SNX2: variants seen among roughly 807,000 people sequenced by gnomAD.
SNX2 encodes sorting nexin 2.
In SNX2, 25 loss-of-function variants were observed where a neutral mutation model predicts 69.9. The observed-to-expected ratio is 0.36, with a 90% CI of 0.26 to 0.50. The LOEUF (loss-of-function observed/expected upper bound fraction) is 0.50. Among genes scored for constraint, SNX2 ranks in the 20% least tolerant of loss-of-function variants. SNX2 has a pLI of 0.97. For synonymous variants in SNX2, 229 were observed against 200.4 expected, an observed-to-expected ratio of 1.14 and a Z score of -1.20; for missense variants, 551 against 613.3, an observed-to-expected ratio of 0.90 and a Z score of 1.07.
In SNX2 at chr5:122,833,763, G is replaced by A. The variant is rs1310019987; in HGVS notation, c.*4115G>A. The A allele has an allele frequency of 1.3e-5, 2 of 151,086 alleles. No homozygotes were observed. The highest frequency in any genetic ancestry group is 1.3e-4 in the Admixed American group (2 of 15,190). The allele number at this position is 151,086 out of a possible 1,614,324, so 9.4% of individuals were successfully genotyped here. On this transcript the variant is annotated 3_prime_UTR_variant, in exon 15 of 15. Coordinates refer to ENST00000379516, the MANE Select transcript of SNX2 (RefSeq NM_003100.4). ...AAGTTTCATTGTACACATGAAATGA[G>A]TTTACTGTGGAAATGAAAATGCAGA...
rs923853978 is a variant in SNX2, at chr5:122,803,599, A to C, written c.629A>C (p.Glu210Ala). 1.2e-6 allele frequency: 2 copies of C among 1,608,872 alleles called. No individual in the cohort carries two copies. The highest frequency in any genetic ancestry group is 1.7e-6 in the Non-Finnish European group (2 of 1,178,446). The change falls in exon 6 of 15, where the codon GAA (glutamate) becomes GCA (alanine). Residue 210 changes from glutamate to alanine, a missense_variant. Transcript: ENST00000379516. The stretch of plus-strand genomic sequence containing the variant: ...GGTTATATTGTGCCACCAGCTCCAG[A>C]AAAGAGTATAGTAGGTAAGCACAAA... ...HVGYIVPPAP[E>A]KSIVGMTKVK...
intron 7 of SNX2, chr5:122,808,670 A>T (rs987676336): frequency 1.8e-5 from 3 of 171,156 alleles, no homozygotes; most frequent in African/African-American, 7.1e-5. Flanking sequence ...ATAGAATTGT[A>T]TCATAGGTAG....
chr5:122,784,067 T>C (rs1255114380), intron 1 of SNX2, among the ~76,000 whole-genome samples: 2 of 151,988 alleles, frequency 1.3e-5, no homozygotes, highest in African/African-American at 4.8e-5. Context: ...ATTTCCCCTT[T>C]GGTTGCATGT....
intron 1 of SNX2, among the ~76,000 whole-genome samples, chr5:122,782,770 G>A (rs190639563): frequency 1.2e-3 from 186 of 151,632 alleles, no homozygotes; most frequent in African/African-American, 4.3e-3. Flanking sequence ...CTCCTGACCT[G>A]AAGTGATCTG....
intron 1 of SNX2, among the ~76,000 whole-genome samples, chr5:122,781,546 G>T (rs1752981150): frequency 6.6e-6 from 1 of 152,206 alleles, no homozygotes; most frequent in African/African-American, 2.4e-5. Flanking sequence ...TGGCTGGGTT[G>T]TGTGGTAAAT....
chr5:122,795,831 T>A (rs2161390), intron 2 of SNX2, among the ~76,000 whole-genome samples: 61,165 of 152,010 alleles, frequency 0.4, 12,866 homozygotes, highest in African/African-American at 0.49. Context: ...TGACCCACTT[T>A]TAGGTGAATA....
intron 2 of SNX2, among the ~76,000 whole-genome samples, chr5:122,797,087 CT>C: frequency 6.6e-6 from 1 of 152,298 alleles, no homozygotes; most frequent in South Asian, 2.1e-4. Context: ...GCCACTATAC[CT>C]GGCTAATTTA....
chr5:122,827,335 C>CT (rs772622695), intron 12 of SNX2, 44 bp from the exon 13 acceptor site: 41 of 1,525,976 alleles, frequency 2.7e-5, no homozygotes, highest in Non-Finnish European at 3.4e-5. Context: ...CAGTACTATA[C>CT]TTTTTTTTGA....
Position 122,833,508 on chromosome 5 carries a change from C to CT in SNX2, c.*3867dup, listed in dbSNP as rs1311057992. The CT allele has an allele frequency of 2.0e-5, 3 of 152,060 alleles. No individual in the cohort carries two copies. The highest frequency in any genetic ancestry group is 6.5e-5 in the Admixed American group (1 of 15,272). 9.4% of individuals were successfully genotyped at this position (152,060 alleles called of 1,614,324 possible). A position where few individuals can be genotyped will look rare whatever the true frequency, so the allele number is the denominator to read the frequency against. Reference sequence around the variant, plus strand: ...TTGAAGTTATAAGATATTTTACATTCTTTTTTTGATATCTGATGTATATTT... The same window carrying CT: ...TTGAAGTTATAAGATATTTTACATTCTTTTTTTTGATATCTGATGTATATTT... On this transcript the variant is annotated 3_prime_UTR_variant, in exon 15 of 15. Coordinates refer to ENST00000379516, the MANE Select transcript of SNX2 (RefSeq NM_003100.4).
At chr5:122,788,162 T>C (rs984834743) in intron 1 of SNX2, among the ~76,000 whole-genome samples, 5 of 152,240 alleles carry the variant, frequency 3.3e-5, no homozygotes, top group Non-Finnish European at 1.5e-5. Context: ...GTTCATAGGT[T>C]TCTGCATCAA....
In SNX2 at chr5:122,793,795, C is replaced by T. The variant is rs139920439; in HGVS notation, c.109-1471C>T. 4.7e-3 allele frequency among the ~76,000 whole-genome samples: 714 copies of T among 151,726 alleles called. 8 individuals carry two copies. The highest frequency in any genetic ancestry group is 0.016 in the African/African-American group (674 of 41,368). ...GGGCGTGATGGCAGACACCTGTAAT[C>T]CCAGCTACTCAGGAGGCTGAGGCAG... On this transcript the variant is annotated intron_variant, in intron 1 of 14. Coordinates refer to ENST00000379516, the MANE Select transcript of SNX2 (RefSeq NM_003100.4).
At chr5:122,826,846 G>C (rs887142944) in intron 12 of SNX2, among the ~76,000 whole-genome samples, 3 of 151,822 alleles carry the variant, frequency 2.0e-5, no homozygotes, top group Non-Finnish European at 4.4e-5. Context: ...GTCTTCAGTA[G>C]ACCATAATTC....
Position 122,803,593 on chromosome 5 carries a change from C to T in SNX2, c.623C>T (p.Ala208Val). 1 of 1,608,620 alleles carries T rather than the reference C, an allele frequency of 6.2e-7. No individual in the cohort carries two copies. The highest frequency in any genetic ancestry group is 1.1e-5 in the South Asian group (1 of 89,358). ...YLHVGYIVPP[A>V]PEKSIVGMTK... Reference sequence around the variant, plus strand: ...CATGTTGGTTATATTGTGCCACCAGCTCCAGAAAAGAGTATAGTAGGTAAG... The same window carrying T: ...CATGTTGGTTATATTGTGCCACCAGTTCCAGAAAAGAGTATAGTAGGTAAG... Residue 208 changes from alanine (A) to valine (V), a missense_variant, in exon 6 of 15, where the codon GCT becomes GTT. Physicochemically the swap from Ala to Val is moderately conservative, Grantham distance 64. Coordinates refer to ENST00000379516, the MANE Select transcript of SNX2 (RefSeq NM_003100.4).
At chr5:122,802,366 G>A (rs959667254) in intron 5 of SNX2, among the ~76,000 whole-genome samples, 1 of 152,174 alleles carries the variant, frequency 6.6e-6, no homozygotes, top group Non-Finnish European at 1.5e-5. Flanking sequence ...TGAGGGAAAT[G>A]ATGGGGAGGA....
intron 7 of SNX2, among the ~76,000 whole-genome samples, chr5:122,811,991 T>A (rs552997123): frequency 1.3e-5 from 2 of 152,282 alleles, no homozygotes; most frequent in Admixed American, 1.3e-4. Context: ...CAGGATTATC[T>A]AATTCATTAG....
At chr5:122,811,799 C>T (rs1302392726) in intron 7 of SNX2, among the ~76,000 whole-genome samples, 2 of 149,524 alleles carry the variant, frequency 1.3e-5, no homozygotes, top group Non-Finnish European at 3.0e-5. Context: ...TGCGTTCCAG[C>T]CTGTCGACAG....
intron 4 of SNX2, 31 bp downstream of exon 4, chr5:122,801,966 A>G (rs1753526413): frequency 6.4e-7 from 1 of 1,552,972 alleles, no homozygotes; most frequent in South Asian, 1.1e-5. Flanking sequence ...TTTTGTATTT[A>G]CTTTTTATTA....
intron 1 of SNX2, among the ~76,000 whole-genome samples, chr5:122,777,851 C>T (rs915135231): frequency 6.6e-6 from 1 of 152,192 alleles, no homozygotes; most frequent in African/African-American, 2.4e-5. Flanking sequence ...CATTCAAAAT[C>T]TGCTCATCTA....
intron 5 of SNX2, among the ~76,000 whole-genome samples, chr5:122,802,453 G>T (rs889859256): frequency 2.0e-5 from 3 of 152,154 alleles, no homozygotes. Flanking sequence ...AAAGCATTGT[G>T]CTTTCTAGAA....
Sources: allele counts gnomAD v4.1 joint callset (sites outside exome capture counted in the v4.1 genomes callset), GRCh38; gene constraint gnomAD v4.1.1; transcripts MANE v1.5; gene names NCBI Gene and HGNC (gene_info 2026-07-23, HGNC 2026-07-21).